Variants in CTNND2 observed in about 807,000 individuals in gnomAD.
CTNND2 encodes catenin delta-2.
In CTNND2, 22 loss-of-function variants were observed where a neutral mutation model predicts 144.4. The observed-to-expected ratio is 0.15, with a 90% confidence interval of 0.11 to 0.22. CTNND2 has a LOEUF of 0.22. CTNND2 is among the 10% of genes least tolerant of loss of function. CTNND2 has a pLI of 1.00. For synonymous variants in CTNND2, 751 were observed against 695.6 expected (o/e 1.08, Z -1.25); for missense variants, 1,353 against 1,618.8 (o/e 0.84, Z 2.82).
At chr5:11,650,375 A>T (rs115345782) in intron 2 of CTNND2, among the ~76,000 whole-genome samples, 1 of 152,116 alleles carries the variant, frequency 6.6e-6, no homozygotes, top group Non-Finnish European at 1.5e-5. Flanking sequence ...TTCTTTATAC[A>T]TTACACAATC....
chr5:11,319,605 C>T (rs1751832530), intron 9 of CTNND2, among the ~76,000 whole-genome samples: 1 of 152,186 alleles, frequency 6.6e-6, no homozygotes, highest in African/African-American at 2.4e-5. Flanking sequence ...ACCACAACTT[C>T]TGCCTCTTCT....
chr5:11,150,568 T>C (rs1401562614), intron 12 of CTNND2, among the ~76,000 whole-genome samples: 2 of 150,540 alleles, frequency 1.3e-5, no homozygotes, highest in Non-Finnish European at 2.9e-5. Context: ...CAGCTCTGCA[T>C]GCTGACATCA....
At position 11,437,365 on chromosome 5, in the gene CTNND2, G is replaced by A. The variant is rs61755483; in HGVS notation, c.288-25296C>T. Among the ~76,000 whole-genome samples, 633 of 152,276 alleles carry A rather than the reference G, an allele frequency of 4.2e-3. 5 individuals are homozygous for A. Among genetic ancestry groups the A allele is most frequent in the African/African-American group, 0.014 (596 of 41,552 alleles). ...TATGTGCCTAATCTGTGCCCACCAC[G>A]GTGCCAGGAATTGGAGGGGAAAAGA... On this transcript the variant is annotated intron_variant, in intron 3 of 21. Transcript: ENST00000304623.
At chr5:11,482,633 T>A (rs1370220309) in intron 3 of CTNND2, among the ~76,000 whole-genome samples, 2 of 151,474 alleles carry the variant, frequency 1.3e-5, no homozygotes, top group African/African-American at 4.9e-5. Context: ...GGGAAGGGCA[T>A]TAGAGATGGC....
intron 12 of CTNND2, among the ~76,000 whole-genome samples, chr5:11,146,146 A>G (rs527920089): frequency 3.3e-5 from 3 of 91,332 alleles, no homozygotes; most frequent in African/African-American, 1.2e-4. Context: ...TTAAAACACA[A>G]CTGTCACTTC....
chr5:11,233,937 T>C (rs1741334253), intron 10 of CTNND2, among the ~76,000 whole-genome samples: 1 of 152,148 alleles, frequency 6.6e-6, no homozygotes, highest in African/African-American at 2.4e-5. Context: ...TATACCACCC[T>C]TCCCTTCCTT....
At chr5:11,520,969 C>T (rs1195797568) in intron 3 of CTNND2, among the ~76,000 whole-genome samples, 1 of 152,122 alleles carries the variant, frequency 6.6e-6, no homozygotes, top group African/African-American at 2.4e-5. Flanking sequence ...AAATAAATCA[C>T]GTTGTGCTAT....
chr5:11,198,734 G>A (rs918889189), intron 11 of CTNND2, among the ~76,000 whole-genome samples: 28 of 152,330 alleles, frequency 1.8e-4, no homozygotes, highest in African/African-American at 5.5e-4. Flanking sequence ...TTGAAATGCT[G>A]TATTGAGGCC....
intron 7 of CTNND2, among the ~76,000 whole-genome samples, chr5:11,377,513 C>T (rs1052909594): frequency 6.6e-6 from 1 of 152,110 alleles, no homozygotes; most frequent in Non-Finnish European, 1.5e-5. Flanking sequence ...CACATTTTCT[C>T]AGCTAAAGCA....
chr5:11,369,218 GAAAGA>G (rs1757242190), intron 7 of CTNND2, among the ~76,000 whole-genome samples: 1 of 152,170 alleles, frequency 6.6e-6, no homozygotes, highest in Admixed American at 6.5e-5. Flanking sequence ...CGTTCATAAG[GAAAGA>G]AAACACTGAA....
In CTNND2 at chr5:11,756,647, TACACACACACAC is replaced by T. The variant is rs56310010; in HGVS notation, c.38-24387_38-24376del. The stretch of plus-strand genomic sequence containing the variant: ...ACAAATCGATATACACACACATACA[TACACACACACAC>T]ACACACACACACACTTAACAGAAAT... On this transcript the variant is annotated intron_variant, in intron 1 of 21. Coordinates refer to ENST00000304623, the MANE Select transcript of CTNND2 (RefSeq NM_001332.4). Among the ~76,000 whole-genome samples, 15 of 149,706 alleles carry T rather than the reference TACACACACACAC, an allele frequency of 1.0e-4. No homozygotes were observed. In the East Asian group the frequency reaches 1.4e-3, roughly 14 times the overall value.
chr5:11,600,563 C>T (rs1460696041), intron 2 of CTNND2, among the ~76,000 whole-genome samples: 3 of 151,648 alleles, frequency 2.0e-5, no homozygotes, highest in Admixed American at 6.6e-5. Context: ...AAAATCAGCC[C>T]AGTGTGGTGG....
intron 5 of CTNND2, among the ~76,000 whole-genome samples, chr5:11,404,346 G>A (rs1178585331): frequency 2.6e-5 from 4 of 151,990 alleles, no homozygotes; most frequent in South Asian, 2.1e-4. Context: ...AGCCATTATC[G>A]ATCTGGCCCT....
intron 2 of CTNND2, among the ~76,000 whole-genome samples, chr5:11,661,444 C>T (rs1213968100): frequency 1.3e-5 from 2 of 152,088 alleles, no homozygotes; most frequent in Non-Finnish European, 2.9e-5. Flanking sequence ...CAAACTTTTG[C>T]AACATCTACT....
intron 11 of CTNND2, among the ~76,000 whole-genome samples, chr5:11,186,860 T>C (rs888490660): frequency 2.6e-5 from 4 of 152,192 alleles, no homozygotes; most frequent in Non-Finnish European, 5.9e-5. Context: ...ACTACACTAG[T>C]ACCACAGACC....
At chr5:11,435,713 T>C (rs1196354886) in intron 3 of CTNND2, among the ~76,000 whole-genome samples, 4 of 152,224 alleles carry the variant, frequency 2.6e-5, no homozygotes, top group Non-Finnish European at 5.9e-5. Flanking sequence ...TTTTATAGTA[T>C]TTATAATGCA....
intron 1 of CTNND2, among the ~76,000 whole-genome samples, chr5:11,803,929 AT>A (rs1232377335): frequency 2.0e-5 from 3 of 151,762 alleles, no homozygotes; most frequent in Non-Finnish European, 2.9e-5. Flanking sequence ...GGCAACCTCC[AT>A]TTTTTTAAAC....
intron 9 of CTNND2, among the ~76,000 whole-genome samples, chr5:11,286,967 C>T (rs1300516314): frequency 6.6e-6 from 1 of 152,134 alleles, no homozygotes; most frequent in Non-Finnish European, 1.5e-5. Context: ...GTAGTCTATC[C>T]ATGCAATGGA....
intron 1 of CTNND2, among the ~76,000 whole-genome samples, chr5:11,787,126 T>G (rs180845650): frequency 1.3e-5 from 2 of 152,200 alleles, no homozygotes; most frequent in South Asian, 4.1e-4. Context: ...GTTATTAAAG[T>G]CCCTAAAATG....
Sources: gnomAD v4.1 joint callset for allele counts (sites outside exome capture counted in the v4.1 genomes callset) on GRCh38, gnomAD v4.1.1 for gene constraint, MANE v1.5 for transcripts, NCBI Gene and HGNC (gene_info 2026-07-23, HGNC 2026-07-21) for gene names.